Variants in ZKSCAN8 observed in about 807,000 individuals in gnomAD.
ZKSCAN8 encodes zinc finger protein with KRAB and SCAN domains 8.
ZKSCAN8 carries 27 observed loss-of-function variants against 57.2 expected under a neutral mutation model. That is an observed-to-expected ratio of 0.47 (90% CI 0.35 to 0.65). The LOEUF is 0.65. Among genes scored for constraint, ZKSCAN8 ranks in the 30% least tolerant of loss-of-function variants. The probability of loss-of-function intolerance (pLI) is 0.01; values close to 1 mark genes in which losing one functional copy is unlikely to be tolerated. For missense variants in ZKSCAN8, 597 were observed against 696.3 expected (o/e 0.86, Z 1.60); for synonymous variants, 214 against 248.7 (o/e 0.86, Z 1.31).
At chr6:28,152,189 A>G in intron 4 of ZKSCAN8, 72 bp from the exon 5 acceptor site, 1 of 1,538,330 alleles carries the variant, frequency 6.5e-7, no homozygotes, top group Non-Finnish European at 8.7e-7. Context: ...ATACTGGTGG[A>G]TCTCTCAAGC....
At position 28,156,148 on chromosome 6, in the gene ZKSCAN8, TATATGTGTATGTAC is replaced by T. The variant is rs889577555; in HGVS notation, c.*2133_*2146del. 4.5e-5 allele frequency: 18 copies of T among 398,356 alleles called. No homozygotes were observed. The highest frequency in any genetic ancestry group is 1.3e-4 in the Admixed American group (3 of 22,728). The allele number at this position is 398,356 out of a possible 1,614,324, so 24.7% of individuals were successfully genotyped here. ...GATGGGTGCATTGTCAGAGGGAAAATATATGTGTATGTACACATGTGTATGTACACACACACACA... is the reference window on the plus strand; with the variant it reads ...GATGGGTGCATTGTCAGAGGGAAAATACATGTGTATGTACACACACACACA... On this transcript the variant is annotated 3_prime_UTR_variant, in exon 6 of 6. Transcript: ENST00000330236.
At chr6:28,148,898 G>A in intron 2 of ZKSCAN8, 74 bp downstream of exon 2, 1 of 1,497,276 alleles carries the variant, frequency 6.7e-7, no homozygotes, top group South Asian at 1.3e-5. Flanking sequence ...AGGCATCACA[G>A]TGGGAGAGCA....
At chr6:28,147,937 C>T (rs1561818647) in intron 1 of ZKSCAN8, among the ~76,000 whole-genome samples, 3 of 152,272 alleles carry the variant, frequency 2.0e-5, no homozygotes, top group African/African-American at 4.8e-5. Context: ...AGAGCTGAAG[C>T]GTGTAGAACC....
rs2113605006 is a variant in ZKSCAN8, at chr6:28,156,736, G to T, written c.*2719G>T. 6.6e-6 allele frequency: 1 copy of T among 152,304 alleles called. No individual in the cohort carries two copies. Among genetic ancestry groups the T allele is most frequent in the East Asian group, 1.9e-4 (1 of 5,186 alleles). 9.4% of individuals were successfully genotyped at this position (152,304 alleles called of 1,614,324 possible). ...TTCATCTGAAATGAACTATTCATCA[G>T]TACTTTCTCCTCCCATCCTAAGCTT... On this transcript the variant is annotated 3_prime_UTR_variant, in exon 6 of 6. Transcript: ENST00000330236.
At chr6:28,142,692 C>T (rs1314898769) in intron 1 of ZKSCAN8, among the ~76,000 whole-genome samples, 1 of 152,232 alleles carries the variant, frequency 6.6e-6, no homozygotes, top group South Asian at 2.1e-4. Flanking sequence ...GCTACTTTGA[C>T]TGCCACCACC....
At position 28,151,953 on chromosome 6, in the gene ZKSCAN8, C is replaced by G. The variant is rs752822103; in HGVS notation, c.651+17C>G. On this transcript the variant is annotated intron_variant, in intron 4 of 5. Transcript: ENST00000330236. ...GGGTTCCAGGTGAGTTGTGCTCCTT[C>G]TCACTGAAACGCCATAGCTGTGCTT... is the stretch of plus-strand genomic sequence containing the variant. 2 of 1,610,664 alleles carry G rather than the reference C, an allele frequency of 1.2e-6. No homozygotes were observed. The highest frequency in any genetic ancestry group is 8.5e-7 in the Non-Finnish European group (1 of 1,176,966).
At chr6:28,152,846 C>G (rs1765637470) in intron 5 of ZKSCAN8, among the ~76,000 whole-genome samples, 1 of 152,150 alleles carries the variant, frequency 6.6e-6, no homozygotes, top group South Asian at 2.1e-4. Flanking sequence ...CCAATTAACT[C>G]TCTTTTTTTA....
chr6:28,154,180 G>A lies in ZKSCAN8; in HGVS notation c.*163G>A, dbSNP rs1410519044. 7 of 1,007,128 alleles carry A rather than the reference G, an allele frequency of 7.0e-6. No individual in the cohort carries two copies. The highest frequency in any genetic ancestry group is 9.9e-6 in the Non-Finnish European group (7 of 709,480). The allele number at this position is 1,007,128 out of a possible 1,614,324, so 62.4% of individuals were successfully genotyped here. ...ATAGCTCTTTAGTAATTTGGGCCCA[G>A]TGCCTTGGTGAAGGTTGATTAGCTT... On this transcript the variant is annotated 3_prime_UTR_variant, in exon 6 of 6. Transcript: ENST00000330236.
At position 28,156,764 on chromosome 6, in the gene ZKSCAN8, C is replaced by T. The variant is rs781407389; in HGVS notation, c.*2747C>T. Reference sequence around the variant, plus strand: ...CTTTCTCCTCCCATCCTAAGCTTCTCATTTTAGGAACTGACATGATAAGGT... The same window carrying T: ...CTTTCTCCTCCCATCCTAAGCTTCTTATTTTAGGAACTGACATGATAAGGT... On this transcript the variant is annotated 3_prime_UTR_variant, in exon 6 of 6. Coordinates refer to ENST00000330236, the MANE Select transcript of ZKSCAN8 (RefSeq NM_006298.4). The T allele has an allele frequency of 1.3e-5, 2 of 152,220 alleles. No individual in the cohort carries two copies. The highest frequency in any genetic ancestry group is 2.9e-5 in the Non-Finnish European group (2 of 68,042). 9.4% of individuals were successfully genotyped at this position (152,220 alleles called of 1,614,324 possible).
rs556671775 is a variant in ZKSCAN8 at position 28,158,353 on chromosome 6, C to T, written c.*4336C>T. ...ATTGTTTATACCTACTATTTGTATT[C>T]GAATGACTTCATTTTTCCCACCCTG... is the stretch of plus-strand genomic sequence containing the variant. On this transcript the variant is annotated 3_prime_UTR_variant, in exon 6 of 6. Transcript: ENST00000330236. 1.1e-4 allele frequency: 16 copies of T among 152,106 alleles called. No homozygotes were observed. The East Asian group carries it at 1.7e-3, about 17-fold the overall frequency. The allele number at this position is 152,106 out of a possible 1,614,324, so 9.4% of individuals were successfully genotyped here. A position where few individuals can be genotyped will look rare whatever the true frequency, so the allele number is the denominator to read the frequency against.
At chr6:28,147,630 T>C (rs1052782079) in intron 1 of ZKSCAN8, among the ~76,000 whole-genome samples, 4 of 152,236 alleles carry the variant, frequency 2.6e-5, no homozygotes, top group African/African-American at 7.2e-5. Flanking sequence ...CACTCCAGAA[T>C]CTCACATAAA....
At chr6:28,151,277 T>C (rs72846780) in intron 3 of ZKSCAN8, among the ~76,000 whole-genome samples, 7,684 of 152,296 alleles carry the variant, frequency 0.05, 312 homozygotes, top group Non-Finnish European at 0.087. Flanking sequence ...TTTTCATTAA[T>C]GTGATTTAGA....
In ZKSCAN8 at chr6:28,149,503, A is replaced by T; in HGVS notation, c.438A>T (p.Gly146=). 1 of 1,614,070 alleles carries T rather than the reference A, an allele frequency of 6.2e-7. No individual in the cohort carries two copies. The highest frequency in any genetic ancestry group is 8.5e-7 in the Non-Finnish European group (1 of 1,179,974). The change falls in exon 3 of 6, where the codon GGA becomes GGT. Residue 146 remains glycine (G), a synonymous_variant. Transcript: ENST00000330236. ...LGRPVSARVH[G]HRVLWEEVVH... is the part of the protein sequence containing the mutation. ...TCCAGGTCTCAGCTCGCGTACATGGACATAGGGTACTCTGGGAGGAGGTAG... is the reference window on the plus strand; with the variant it reads ...TCCAGGTCTCAGCTCGCGTACATGGTCATAGGGTACTCTGGGAGGAGGTAG...
intron 5 of ZKSCAN8, 57 bp downstream of exon 5, chr6:28,152,441 A>T (rs1227042716): frequency 1.3e-6 from 2 of 1,557,618 alleles, no homozygotes; most frequent in Non-Finnish European, 1.7e-6. Context: ...TTTGTTGTTT[A>T]TGTGTATAGT....
At position 28,155,500 on chromosome 6, in the gene ZKSCAN8, T is replaced by TTACACTTTAGTTTTACCA. The variant is rs1765754153; in HGVS notation, c.*1485_*1502dup. The TTACACTTTAGTTTTACCA allele has an allele frequency of 6.6e-6, 1 of 152,200 alleles. No individual in the cohort carries two copies. The highest frequency in any genetic ancestry group is 6.5e-5 in the Admixed American group (1 of 15,288). 9.4% of individuals were successfully genotyped at this position (152,200 alleles called of 1,614,324 possible). On this transcript the variant is annotated 3_prime_UTR_variant, in exon 6 of 6. Coordinates refer to ENST00000330236, the MANE Select transcript of ZKSCAN8 (RefSeq NM_006298.4). The stretch of plus-strand genomic sequence containing the variant: ...CATATGAGAAAACCCTCTATTACTC[T>TTACACTTTAGTTTTACCA]TACACTTTAGTTTTACCATTTGAGT...
chr6:28,148,812 A>C lies in ZKSCAN8; in HGVS notation c.405A>C (p.Ile135=). The change falls in exon 2 of 6, where the codon ATA becomes ATC. Residue 135 remains isoleucine, a synonymous_variant. Transcript: ENST00000330236. ...AGGATTTGGAAAGGCAGATTGATAT[A>C]CTAGGACGACCAGTAAGTAGAAGGA... ...LLEDLERQID[I]LGRPVSARVH... is the part of the protein sequence containing the mutation. The C allele has an allele frequency of 6.2e-7, 1 of 1,612,672 alleles. No homozygotes were observed. Among genetic ancestry groups the C allele is most frequent in the Non-Finnish European group, 8.5e-7 (1 of 1,179,036 alleles).
chr6:28,157,015 T>C lies in ZKSCAN8; in HGVS notation c.*2998T>C, dbSNP rs976734424. ...TGTTATGCCTTTCTCAGGCTCATGA[T>C]AAATGTATTAGTCTGTTCTCATGCT... On this transcript the variant is annotated 3_prime_UTR_variant, in exon 6 of 6. Transcript: ENST00000330236. The C allele has an allele frequency of 1.3e-5, 2 of 152,216 alleles. No individual in the cohort carries two copies. The highest frequency in any genetic ancestry group is 4.8e-5 in the African/African-American group (2 of 41,442). The allele number at this position is 152,216 out of a possible 1,614,324, so 9.4% of individuals were successfully genotyped here.
In ZKSCAN8 at chr6:28,157,481, T is replaced by C. The variant is rs1453694695; in HGVS notation, c.*3464T>C. The C allele has an allele frequency of 1.3e-5, 2 of 152,210 alleles. No individual in the cohort carries two copies. Among genetic ancestry groups the C allele is most frequent in the Non-Finnish European group, 2.9e-5 (2 of 68,036 alleles). The allele number at this position is 152,210 out of a possible 1,614,324, so 9.4% of individuals were successfully genotyped here. A position where few individuals can be genotyped will look rare whatever the true frequency, so the allele number is the denominator to read the frequency against. On this transcript the variant is annotated 3_prime_UTR_variant, in exon 6 of 6. Coordinates refer to ENST00000330236, the MANE Select transcript of ZKSCAN8 (RefSeq NM_006298.4). ...CCCAGCCAGTATGTGATAAAACTGA[T>C]TCTGACCCACACAGTTTGATTCTAG... is the stretch of plus-strand genomic sequence containing the variant.
At position 28,144,828 on chromosome 6, in the gene ZKSCAN8, C is replaced by T. The variant is rs1038239774; in HGVS notation, c.-93+2799C>T. ...ATCCCAGCACTTTGGGAGGCCGAGG[C>T]GGGCAGATCACGAGGTCAGGAGATC... On this transcript the variant is annotated intron_variant, in intron 1 of 5. Coordinates refer to ENST00000330236, the MANE Select transcript of ZKSCAN8 (RefSeq NM_006298.4). The surrounding 1 kb of genome is among the most constrained non-coding windows in gnomAD (Gnocchi z 4.5). 5.9e-5 allele frequency among the ~76,000 whole-genome samples: 9 copies of T among 152,158 alleles called. No homozygotes were observed. Among genetic ancestry groups the T allele is most frequent in the Non-Finnish European group, 8.8e-5 (6 of 68,028 alleles).
Sources: gnomAD v4.1 joint callset for allele counts (sites outside exome capture counted in the v4.1 genomes callset) on GRCh38, gnomAD v4.1.1 for gene constraint, Gnocchi (gnomAD v3.1) non-coding constraint, MANE v1.5 for transcripts, NCBI Gene and HGNC (gene_info 2026-07-23, HGNC 2026-07-21) for gene names.